SMG6: variants seen among roughly 807,000 people sequenced by gnomAD.
SMG6 encodes the protein telomerase-binding protein EST1A.
Under a neutral mutation model 142.2 loss-of-function variants are expected in SMG6, and 66 were observed. The observed-to-expected ratio is 0.46, with a 90% CI of 0.38 to 0.57. The LOEUF (loss-of-function observed/expected upper bound fraction) is 0.57. Ranked by LOEUF, SMG6 falls within the 20% of genes least tolerant of loss-of-function variation. The probability of loss-of-function intolerance (pLI) is 0.00; values close to 1 mark genes in which losing one functional copy is unlikely to be tolerated. For missense variants in SMG6, 1,793 were observed against 1,832.0 expected, an observed-to-expected ratio of 0.98 and a Z score of 0.39; for synonymous variants, 779 against 702.4, an observed-to-expected ratio of 1.11 and a Z score of -1.72.
chr17:2,259,690 A>C (rs1030831068), intron 8 of SMG6, among the ~76,000 whole-genome samples: 1 of 152,104 alleles, frequency 6.6e-6, no homozygotes, highest in African/African-American at 2.4e-5. Flanking sequence ...AAAAAAAAAA[A>C]AAAAGTTCAA....
chr17:2,273,022 C>A (rs2074572056), intron 8 of SMG6, among the ~76,000 whole-genome samples: 1 of 152,092 alleles, frequency 6.6e-6, no homozygotes, highest in African/African-American at 2.4e-5. Flanking sequence ...GGCCCCCACA[C>A]CACTGTGCTT....
At chr17:2,133,579 C>G (rs1387319567) in intron 13 of SMG6, among the ~76,000 whole-genome samples, 1 of 152,090 alleles carries the variant, frequency 6.6e-6, no homozygotes, top group Non-Finnish European at 1.5e-5. Flanking sequence ...ATATGTCACC[C>G]AGGGATGGGA....
chr17:2,241,108 A>G lies in SMG6; in HGVS notation c.2723+3550T>C, dbSNP rs116881227. 3.6e-3 allele frequency among the ~76,000 whole-genome samples: 544 copies of G among 152,298 alleles called. 4 individuals are homozygous for G. Among genetic ancestry groups the G allele is most frequent in the Non-Finnish European group, 5.7e-3 (389 of 68,022 alleles). On this transcript the variant is annotated intron_variant, in intron 9 of 18. Transcript: ENST00000263073. ...CCATAGAGGGAGTGTAGTGCCTAGAATCCACATACATTTTCCTCAATGAAA... is the reference window on the plus strand; with the variant it reads ...CCATAGAGGGAGTGTAGTGCCTAGAGTCCACATACATTTTCCTCAATGAAA...
At chr17:2,135,798 TC>T (rs1040223104) in intron 13 of SMG6, among the ~76,000 whole-genome samples, 9 of 150,506 alleles carry the variant, frequency 6.0e-5, no homozygotes, top group African/African-American at 2.2e-4. Context: ...CAAGCAATCT[TC>T]CCACCTTAGC....
chr17:2,168,012 C>T (rs1008094357), intron 13 of SMG6, among the ~76,000 whole-genome samples: 3 of 151,772 alleles, frequency 2.0e-5, no homozygotes, highest in South Asian at 2.1e-4. Context: ...GGACTACAGG[C>T]GCTTGCCACC....
intron 8 of SMG6, among the ~76,000 whole-genome samples, chr17:2,256,653 T>G (rs899243909): frequency 8.5e-5 from 13 of 152,146 alleles, no homozygotes; most frequent in African/African-American, 2.9e-4. Flanking sequence ...CGCACACCTG[T>G]AGTTCTAGCT....
intron 9 of SMG6, among the ~76,000 whole-genome samples, chr17:2,242,077 C>T (rs899365844): frequency 2.6e-5 from 4 of 151,852 alleles, no homozygotes; most frequent in African/African-American, 7.3e-5. Context: ...CTCAAAATGT[C>T]GACAGCACCA....
At chr17:2,279,090 G>T (rs553509121) in intron 8 of SMG6, among the ~76,000 whole-genome samples, 1 of 152,174 alleles carries the variant, frequency 6.6e-6, no homozygotes, top group East Asian at 1.9e-4. Context: ...AACCAGAAAT[G>T]TGGTTATTAC....
intron 13 of SMG6, among the ~76,000 whole-genome samples, chr17:2,091,811 C>T (rs1309698278): frequency 6.6e-6 from 1 of 151,004 alleles, no homozygotes; most frequent in Non-Finnish European, 1.5e-5. Context: ...GCTGGGACTA[C>T]AGGCACCCGC....
At chr17:2,154,465 C>T (rs1328738121) in intron 13 of SMG6, among the ~76,000 whole-genome samples, 8 of 152,094 alleles carry the variant, frequency 5.3e-5, no homozygotes, top group Non-Finnish European at 1.2e-4. Flanking sequence ...GAATTTTATG[C>T]CCTTTGTCCT....
At chr17:2,292,806 C>A in intron 5 of SMG6, 65 bp downstream of exon 5, 1 of 1,492,228 alleles carries the variant, frequency 6.7e-7, no homozygotes, top group Non-Finnish European at 9.4e-7. Context: ...TGGCCTACTG[C>A]TCTTAGTAAG....
rs867472768 is a variant in SMG6 at position 2,061,601 on chromosome 17, C to T, written c.4151G>A (p.Arg1384Gln). Residue 1384 changes from arginine to glutamine, a missense_variant, in exon 19 of 19, where the codon CGG becomes CAG. By Grantham distance (43) the Arg-to-Gln change is conservative (BLOSUM62 1). Coordinates refer to ENST00000263073, the MANE Select transcript of SMG6 (RefSeq NM_017575.5). ...GTCATCCGTCAACAGCACCACCTCC[C>T]GCAGTAGCCGGATTGGCTCCTCTGT... ...ASKEEPIRLL[R>Q]EVVLLTDDRN... is the part of the protein sequence containing the mutation. 8 of 1,571,932 alleles carry T rather than the reference C, an allele frequency of 5.1e-6. No homozygotes were observed. Among genetic ancestry groups the T allele is most frequent in the Admixed American group, 1.8e-5 (1 of 54,082 alleles).
intron 13 of SMG6, among the ~76,000 whole-genome samples, chr17:2,150,488 C>T (rs1233074398): frequency 2.0e-5 from 3 of 151,728 alleles, no homozygotes; most frequent in African/African-American, 7.3e-5. Context: ...AGGGGTAGCT[C>T]GCCTCTAGGT....
intron 8 of SMG6, among the ~76,000 whole-genome samples, chr17:2,269,939 G>A (rs1359883114): frequency 1.3e-5 from 2 of 152,106 alleles, no homozygotes; most frequent in Non-Finnish European, 1.5e-5. Flanking sequence ...CAAGGCAAGA[G>A]GATGGCTTGA....
At position 2,300,298 on chromosome 17, in the gene SMG6, A is replaced by C. The variant is rs776699727; in HGVS notation, c.455T>G (p.Leu152Trp). 3 of 1,613,970 alleles carry C rather than the reference A, an allele frequency of 1.9e-6. No homozygotes were observed. The African/African-American group carries it at 4.0e-5, about 22-fold the overall frequency. The change falls in exon 2 of 19, where the codon TTG becomes TGG. Residue 152 changes from leucine (L) to tryptophan (W), a missense_variant. Transcript: ENST00000263073. ...DLQIYQPGRRLQTVSKESASR... is the reference protein window; with the variant it reads ...DLQIYQPGRRWQTVSKESASR... ...GGCGGATTCTTTGCTAACAGTCTGC[A>C]AACGTCGTCCAGGCTGATAGATCTG...
At chr17:2,171,822 G>A (rs1220068335) in intron 13 of SMG6, among the ~76,000 whole-genome samples, 2 of 151,052 alleles carry the variant, frequency 1.3e-5, no homozygotes, top group African/African-American at 2.4e-5. Flanking sequence ...CATTTGTGGA[G>A]CCTCCCCAAA....
intron 10 of SMG6, among the ~76,000 whole-genome samples, chr17:2,206,717 C>T (rs2072693185): frequency 6.6e-6 from 1 of 151,876 alleles, no homozygotes; most frequent in Non-Finnish European, 1.5e-5. Flanking sequence ...GTGAAACCCC[C>T]TCTCTACTAC....
At chr17:2,115,082 T>C (rs1272742445) in intron 13 of SMG6, among the ~76,000 whole-genome samples, 1 of 151,842 alleles carries the variant, frequency 6.6e-6, no homozygotes, top group African/African-American at 2.4e-5. Flanking sequence ...GGCTGCTAAC[T>C]GATAGCTGGT....
intron 10 of SMG6, among the ~76,000 whole-genome samples, chr17:2,231,646 G>A (rs1567702794): frequency 6.6e-6 from 1 of 152,032 alleles, no homozygotes; most frequent in Admixed American, 6.6e-5. Context: ...GCAGTGAGCC[G>A]AGATCGCACC....
Sources: gnomAD v4.1 joint callset for allele counts (sites outside exome capture counted in the v4.1 genomes callset) on GRCh38, gnomAD v4.1.1 for gene constraint, MANE v1.5 for transcripts, NCBI Gene and HGNC (gene_info 2026-07-23, HGNC 2026-07-21) for gene names.